The following SDK1 variants were observed in gnomAD, a reference collection of about 807,000 sequenced individuals.
SDK1 encodes the protein protein sidekick-1.
A neutral mutation model predicts 245.5 loss-of-function variants in SDK1; 157 were observed. The observed-to-expected ratio is 0.64, with a 90% CI of 0.56 to 0.73. The LOEUF is 0.73. Ranked by LOEUF, SDK1 falls within the 30% of genes least tolerant of loss-of-function variation. The pLI, the probability that SDK1 is intolerant of heterozygous loss-of-function variation, is 0.00. For synonymous variants in SDK1, 1,647 were observed against 1,278.5 expected, an observed-to-expected ratio of 1.29 and a Z score of -6.15; for missense variants, 3,583 against 3,002.3, an observed-to-expected ratio of 1.19 and a Z score of -4.52.
intron 4 of SDK1, among the ~76,000 whole-genome samples, chr7:3,681,661 CT>C (rs201061783): frequency 6.6e-6 from 1 of 151,298 alleles, no homozygotes; most frequent in Non-Finnish European, 1.5e-5. Context: ...AGATCATGTG[CT>C]TTTTTTTTAT....
chr7:3,743,459 A>T (rs544618966), intron 4 of SDK1, among the ~76,000 whole-genome samples: 3 of 152,124 alleles, frequency 2.0e-5, no homozygotes, highest in Non-Finnish European at 2.9e-5. Context: ...GTTAGAGTGG[A>T]CCTTTTACTT....
intron 1 of SDK1, among the ~76,000 whole-genome samples, chr7:3,357,995 T>C (rs913623155): frequency 9.9e-5 from 15 of 152,158 alleles, no homozygotes; most frequent in Non-Finnish European, 1.5e-4. Flanking sequence ...GATTGACATA[T>C]AAGCTATTCC....
At chr7:3,480,804 T>G (rs1036864736) in intron 1 of SDK1, among the ~76,000 whole-genome samples, 1 of 152,162 alleles carries the variant, frequency 6.6e-6, no homozygotes, top group Non-Finnish European at 1.5e-5. Context: ...CTTGAACAGG[T>G]GAGGAAATGG....
Position 3,968,355 on chromosome 7 carries a change from G to A in SDK1, c.1547-902G>A, listed in dbSNP as rs899203762. Among the ~76,000 whole-genome samples the A allele has an allele frequency of 3.9e-4, 60 of 152,162 alleles. 1 individual carries two copies. The highest frequency in any genetic ancestry group is 1.6e-4 in the Non-Finnish European group (11 of 68,032). ...GAACAAGTCTGTGCTTAGCCTTGTT[G>A]ATTCACATGGATGAGCTCCTCATAC... On this transcript the variant is annotated intron_variant, in intron 10 of 44. Transcript: ENST00000404826.
At chr7:3,758,561 A>G (rs755508431) in intron 4 of SDK1, among the ~76,000 whole-genome samples, 1 of 152,196 alleles carries the variant, frequency 6.6e-6, no homozygotes, top group African/African-American at 2.4e-5. Flanking sequence ...AATGGCTCCT[A>G]CTGTGGCCTT....
chr7:4,163,201 G>C (rs1037893912), intron 32 of SDK1, among the ~76,000 whole-genome samples: 1 of 152,192 alleles, frequency 6.6e-6, no homozygotes, highest in Admixed American at 6.5e-5. Context: ...GGGTGGGTAC[G>C]GCATGAGGAC....
intron 1 of SDK1, among the ~76,000 whole-genome samples, chr7:3,456,407 A>G (rs1257148800): frequency 1.3e-5 from 2 of 151,990 alleles, no homozygotes; most frequent in African/African-American, 2.4e-5. Context: ...TTTTTCTCCC[A>G]GTCTGTTTTC....
At chr7:3,573,770 T>A (rs1780191026) in intron 1 of SDK1, among the ~76,000 whole-genome samples, 1 of 151,962 alleles carries the variant, frequency 6.6e-6, no homozygotes, top group Admixed American at 6.6e-5. Flanking sequence ...AACATTGTGA[T>A]TTTTGACCCT....
At chr7:4,061,873 A>G (rs1293412412) in intron 19 of SDK1, among the ~76,000 whole-genome samples, 1 of 151,232 alleles carries the variant, frequency 6.6e-6, no homozygotes, top group African/African-American at 2.4e-5. Context: ...TCAGTAAACT[A>G]TCGCAAGAAC....
At chr7:4,161,688 C>G (rs1781133144) in intron 31 of SDK1, 98 bp from the exon 32 acceptor site, 1 of 936,710 alleles carries the variant, frequency 1.1e-6, no homozygotes, top group South Asian at 1.4e-5. Context: ...GGAGGCAGGG[C>G]TCACCAGCCT....
At chr7:4,252,712 T>C (rs913051765) in intron 44 of SDK1, among the ~76,000 whole-genome samples, 2 of 152,206 alleles carry the variant, frequency 1.3e-5, no homozygotes, top group African/African-American at 4.8e-5. Context: ...GTATTAATTC[T>C]TTAAATGTTT....
intron 14 of SDK1, among the ~76,000 whole-genome samples, chr7:4,000,770 A>G (rs1325174920): frequency 6.6e-6 from 1 of 152,224 alleles, no homozygotes; most frequent in African/African-American, 2.4e-5. Flanking sequence ...GGCGTTTTCT[A>G]ATGGCCTCGG....
At chr7:4,090,098 G>T (rs73671536) in intron 22 of SDK1, among the ~76,000 whole-genome samples, 1,572 of 152,280 alleles carry the variant, frequency 0.01, 27 homozygotes, top group African/African-American at 0.036. Flanking sequence ...GCTACACCTT[G>T]TTGGGTTTGA....
intron 32 of SDK1, among the ~76,000 whole-genome samples, chr7:4,173,915 G>A (rs1053221976): frequency 5.3e-5 from 8 of 152,222 alleles, no homozygotes; most frequent in Admixed American, 5.2e-4. Flanking sequence ...CTCGCCGTCT[G>A]TGTCTGTCCC....
At chr7:3,771,888 C>T (rs1029087184) in intron 4 of SDK1, among the ~76,000 whole-genome samples, 1 of 152,198 alleles carries the variant, frequency 6.6e-6, no homozygotes, top group African/African-American at 2.4e-5. Flanking sequence ...AACTGAAATG[C>T]TAATCCATTA....
chr7:3,888,858 A>C (rs1479360854), intron 5 of SDK1, among the ~76,000 whole-genome samples: 1 of 152,176 alleles, frequency 6.6e-6, no homozygotes. Flanking sequence ...ATGTTATGCT[A>C]TATGTTATTT....
chr7:3,388,617 G>A (rs762814557), intron 1 of SDK1, among the ~76,000 whole-genome samples: 1 of 152,156 alleles, frequency 6.6e-6, no homozygotes, highest in Non-Finnish European at 1.5e-5. Flanking sequence ...TAGTAGTTGT[G>A]TGTACTTTCT....
At chr7:3,601,168 C>A (rs562750039) in intron 1 of SDK1, among the ~76,000 whole-genome samples, 1 of 152,162 alleles carries the variant, frequency 6.6e-6, no homozygotes, top group Non-Finnish European at 1.5e-5. Context: ...ATGAGAGATA[C>A]TGGTCTATAG....
chr7:3,344,280 T>A (rs1171829604), intron 1 of SDK1, among the ~76,000 whole-genome samples: 2 of 152,208 alleles, frequency 1.3e-5, no homozygotes, highest in Non-Finnish European at 2.9e-5. Flanking sequence ...TTCATCTGAA[T>A]CATTAAGTAT....
Sources: gnomAD v4.1 joint callset for allele counts (sites outside exome capture counted in the v4.1 genomes callset) on GRCh38, gnomAD v4.1.1 for gene constraint, MANE v1.5 for transcripts, NCBI Gene and HGNC (gene_info 2026-07-23, HGNC 2026-07-21) for gene names.